Variants in TSHR observed in about 807,000 individuals in gnomAD.
TSHR encodes thyroid stimulating hormone receptor.
TSHR carries 51 observed loss-of-function variants against 64.1 expected under a neutral mutation model. That is an observed-to-expected ratio of 0.80 (90% confidence interval 0.64 to 1.01). The LOEUF (loss-of-function observed/expected upper bound fraction) is 1.01, where lower values mean the gene tolerates loss of function less well. TSHR is among the 50% of genes least tolerant of loss of function. TSHR has a pLI of 0.00. For synonymous variants in TSHR, 361 were observed against 361.9 expected (o/e 1.00, Z 0.03); for missense variants, 877 against 942.8 (o/e 0.93, Z 0.91).
intron 3 of TSHR, among the ~76,000 whole-genome samples, chr14:81,080,665 T>G (rs1052162946): frequency 6.6e-6 from 1 of 151,998 alleles, no homozygotes; most frequent in African/African-American, 2.4e-5. Flanking sequence ...CAGTTACATA[T>G]GGAATGTTAA....
At chr14:81,039,082 C>T (rs1594985922) in intron 1 of TSHR, among the ~76,000 whole-genome samples, 1 of 151,882 alleles carries the variant, frequency 6.6e-6, no homozygotes, top group Non-Finnish European at 1.5e-5. Context: ...AAGACAAGGA[C>T]ACAACAAAGA....
chr14:80,997,496 C>T (rs966316931), intron 1 of TSHR, among the ~76,000 whole-genome samples: 1 of 152,098 alleles, frequency 6.6e-6, no homozygotes, highest in Admixed American at 6.5e-5. Flanking sequence ...GGGTTTTATT[C>T]CTGTAGTTGC....
At chr14:81,023,865 T>C (rs1245107357) in intron 1 of TSHR, among the ~76,000 whole-genome samples, 2 of 152,222 alleles carry the variant, frequency 1.3e-5, no homozygotes, top group Non-Finnish European at 2.9e-5. Flanking sequence ...TGGTGCTGAC[T>C]TCTTTTTCTT....
chr14:81,111,343 A>G (rs1276652232), intron 8 of TSHR, among the ~76,000 whole-genome samples: 4 of 152,226 alleles, frequency 2.6e-5, no homozygotes, highest in Admixed American at 6.5e-5. Flanking sequence ...CTATTGGCCA[A>G]TGGGCACCAT....
intron 1 of TSHR, among the ~76,000 whole-genome samples, chr14:80,984,754 A>G (rs1050536175): frequency 6.6e-6 from 1 of 152,194 alleles, no homozygotes; most frequent in African/African-American, 2.4e-5. Context: ...AAAGTCTGAG[A>G]TGAGTAGATG....
intron 1 of TSHR, among the ~76,000 whole-genome samples, chr14:81,027,815 G>T (rs141634305): frequency 2.4e-4 from 37 of 152,240 alleles, no homozygotes; most frequent in Non-Finnish European, 4.1e-4. Flanking sequence ...GAACAGAATA[G>T]AAATGTAATA....
At chr14:81,101,771 G>A (rs1316904542) in intron 7 of TSHR, among the ~76,000 whole-genome samples, 1 of 152,126 alleles carries the variant, frequency 6.6e-6, no homozygotes, top group Non-Finnish European at 1.5e-5. Flanking sequence ...CATCTTTGGG[G>A]TGTGGGAGGA....
intron 3 of TSHR, among the ~76,000 whole-genome samples, chr14:81,072,921 C>T (rs1215010683): frequency 3.1e-5 from 4 of 130,860 alleles, no homozygotes; most frequent in South Asian, 4.8e-4. Flanking sequence ...GGCGTGAACC[C>T]GGGAGGCGGA....
chr14:81,104,748 CTG>C (rs1889789851), intron 7 of TSHR: 1 of 983,692 alleles, frequency 1.0e-6, no homozygotes, highest in Non-Finnish European at 1.2e-6. Context: ...TCTTCCCTAA[CTG>C]TGAACTATTC....
chr14:81,114,131 GAAA>G (rs11454893), intron 8 of TSHR, among the ~76,000 whole-genome samples: 1 of 142,658 alleles, frequency 7.0e-6, no homozygotes, highest in Non-Finnish European at 1.5e-5. Flanking sequence ...CCAAGGAAAA[GAAA>G]AAAAAAAAAA....
At chr14:81,007,187 T>C (rs1889649345) in intron 1 of TSHR, among the ~76,000 whole-genome samples, 1 of 152,208 alleles carries the variant, frequency 6.6e-6, no homozygotes, top group South Asian at 2.1e-4. Context: ...AGGATTAGTG[T>C]CCTATAAGAA....
In TSHR at chr14:81,145,735, A is replaced by T; in HGVS notation, c.*1382A>T. On this transcript the variant is annotated 3_prime_UTR_variant, in exon 10 of 10. Transcript: ENST00000298171. The stretch of plus-strand genomic sequence containing the variant: ...TTTCCAGCCCTGTTGATCACTGGAC[A>T]TAAAGCTTCTTTTCCCCAATAATTC... 4.3e-6 allele frequency: 1 copy of T among 233,186 alleles called. No homozygotes were observed. The highest frequency in any genetic ancestry group is 8.5e-6 in the Non-Finnish European group (1 of 117,990). The allele number at this position is 233,186 out of a possible 1,614,324, so 14.4% of individuals were successfully genotyped here.
At chr14:81,129,979 A>G (rs1891171917) in intron 8 of TSHR, among the ~76,000 whole-genome samples, 1 of 152,176 alleles carries the variant, frequency 6.6e-6, no homozygotes. Context: ...TTTCGTGAAT[A>G]TGGATTAAAA....
chr14:80,963,957 G>A (rs1887167730), intron 1 of TSHR, among the ~76,000 whole-genome samples: 1 of 152,164 alleles, frequency 6.6e-6, no homozygotes, highest in South Asian at 2.1e-4. Flanking sequence ...TCCCAATTTG[G>A]GGGATAAATT....
chr14:81,143,162 G>A lies in TSHR; in HGVS notation c.1104G>A (p.Gln368=), dbSNP rs2140109642. ...AGGATGAGATCATTGGTTTTGGCCA[G>A]GAGCTCAAAAACCCCCAGGAAGAGA... ...EQEDEIIGFG[Q]ELKNPQEETL... Residue 368 remains glutamine, a synonymous_variant, in exon 10 of 10, where the codon CAG becomes CAA. Coordinates refer to ENST00000298171, the MANE Select transcript of TSHR (RefSeq NM_000369.5). The A allele has an allele frequency of 6.2e-7, 1 of 1,614,138 alleles. No individual in the cohort carries two copies. The highest frequency in any genetic ancestry group is 8.5e-7 in the Non-Finnish European group (1 of 1,180,014).
At chr14:81,085,576 A>G (rs1384984776) in intron 3 of TSHR, among the ~76,000 whole-genome samples, 3 of 151,980 alleles carry the variant, frequency 2.0e-5, no homozygotes, top group African/African-American at 7.3e-5. Context: ...TCATTTAATC[A>G]ACTGTTACTA....
intron 1 of TSHR, chr14:81,001,226 CA>C (rs1047210678): frequency 1.8e-5 from 3 of 165,638 alleles, no homozygotes; most frequent in African/African-American, 7.2e-5. Context: ...TCCTTATGTA[CA>C]ACAGAAATAT....
intron 1 of TSHR, among the ~76,000 whole-genome samples, chr14:80,962,351 C>T (rs1483940613): frequency 2.0e-5 from 3 of 152,166 alleles, no homozygotes; most frequent in African/African-American, 7.2e-5. Flanking sequence ...AATTTACTCT[C>T]TCACAGTTCT....
rs2140109429 is a variant in TSHR, at chr14:81,143,123, C to G, written c.1065C>G (p.Phe355Leu). 6.2e-7 allele frequency: 1 copy of G among 1,614,178 alleles called. No individual in the cohort carries two copies. The highest frequency in any genetic ancestry group is 8.5e-7 in the Non-Finnish European group (1 of 1,180,030). The change falls in exon 10 of 10, where the codon TTC becomes TTG. Residue 355 changes from phenylalanine (F) to leucine (L), a missense_variant. Transcript: ENST00000298171. ...DTHNNAHYYV[F>L]FEEQEDEIIG... ...ATAACAACGCTCATTATTACGTCTT[C>G]TTTGAAGAACAAGAGGATGAGATCA...
Sources: allele counts gnomAD v4.1 joint callset (sites outside exome capture counted in the v4.1 genomes callset), GRCh38; gene constraint gnomAD v4.1.1; transcripts MANE v1.5; gene names NCBI Gene and HGNC (gene_info 2026-07-23, HGNC 2026-07-21).